CFAP61: variants seen among roughly 807,000 people sequenced by gnomAD.
CFAP61 encodes cilia and flagella associated protein 61, also known as cilia- and flagella-associated protein 61.
In CFAP61, 107 loss-of-function variants were observed where a neutral mutation model predicts 135.6. The ratio of observed to expected loss-of-function variants is 0.79; its 90% CI spans 0.67 to 0.93. The LOEUF is 0.93. Ranked by LOEUF, CFAP61 falls within the 40% of genes least tolerant of loss-of-function variation. CFAP61 has a pLI of 0.00. For synonymous variants in CFAP61, 575 were observed against 578.5 expected (o/e 0.99, Z 0.09); for missense variants, 1,507 against 1,556.2 (o/e 0.97, Z 0.53).
At chr20:20,242,823 A>G (rs1036014470) in intron 18 of CFAP61, among the ~76,000 whole-genome samples, 1 of 152,178 alleles carries the variant, frequency 6.6e-6, no homozygotes, top group African/African-American at 2.4e-5. Flanking sequence ...AACTGTGTGT[A>G]TCTGAATGTA....
rs1001884194 is a variant in CFAP61 at position 20,360,465 on chromosome 20, G to A, written c.*55G>A. 9 of 1,525,512 alleles carry A rather than the reference G, an allele frequency of 5.9e-6. No individual in the cohort carries two copies. Among genetic ancestry groups the A allele is most frequent in the South Asian group, 5.7e-5 (5 of 86,994 alleles). The allele number at this position is 1,525,512 out of a possible 1,614,324, so 94.5% of individuals were successfully genotyped here. On this transcript the variant is annotated 3_prime_UTR_variant, in exon 27 of 27. Coordinates refer to ENST00000245957, the MANE Select transcript of CFAP61 (RefSeq NM_015585.4). Reference sequence around the variant, plus strand: ...TCATTTATTTAGTTCCTGGAAACGCGCTCTGTAGAAATAGAAAAGTTCTCT... The same window carrying A: ...TCATTTATTTAGTTCCTGGAAACGCACTCTGTAGAAATAGAAAAGTTCTCT...
intron 21 of CFAP61, among the ~76,000 whole-genome samples, chr20:20,269,116 GCT>G (rs1491270277): frequency 3.4e-5 from 3 of 88,348 alleles, no homozygotes; most frequent in South Asian, 8.2e-4. Context: ...CTATTCGTGG[GCT>G]ATATATATAT....
chr20:20,134,875 G>A (rs2050799537), intron 8 of CFAP61, among the ~76,000 whole-genome samples: 1 of 152,090 alleles, frequency 6.6e-6, no homozygotes, highest in African/African-American at 2.4e-5. Context: ...TAAATACACT[G>A]CATTCAGTCA....
In CFAP61 at chr20:20,340,696, C is replaced by G. The variant is rs146436455; in HGVS notation, c.3423-1135C>G. Among the ~76,000 whole-genome samples the G allele has an allele frequency of 1.5e-3, 230 of 152,232 alleles. 7 individuals are homozygous for G. In the East Asian group the frequency reaches 0.027, roughly 18 times the overall value. ...ACCAGACGGAGGTGGCCGTAGACCC[C>G]CAAAACCAAGGGGGTGGGAGCTCCG... On this transcript the variant is annotated intron_variant, in intron 25 of 26. Transcript: ENST00000245957.
chr20:20,068,743 A>G (rs1315662473), intron 2 of CFAP61, among the ~76,000 whole-genome samples: 2 of 152,062 alleles, frequency 1.3e-5, no homozygotes, highest in Non-Finnish European at 2.9e-5. Flanking sequence ...CTTTATAGTT[A>G]CCTTCCTTTT....
Position 20,228,097 on chromosome 20 carries a change from C to G in CFAP61, c.1933-152C>G, listed in dbSNP as rs189698126. 1,808 of 542,950 alleles carry G rather than the reference C, an allele frequency of 3.3e-3. 7 individuals carry two copies. Among genetic ancestry groups the G allele is most frequent in the Non-Finnish European group, 3.3e-3 (1,054 of 316,916 alleles). 33.6% of individuals were successfully genotyped at this position (542,950 alleles called of 1,614,324 possible). The stretch of plus-strand genomic sequence containing the variant: ...CATTAATTTCTTAAAAACATCTTCC[C>G]ATGCATTTTATGGTGGCTGTACATG... On this transcript the variant is annotated intron_variant, in intron 17 of 26. Transcript: ENST00000245957.
At chr20:20,151,980 G>A (rs936080790) in intron 9 of CFAP61, among the ~76,000 whole-genome samples, 3 of 151,954 alleles carry the variant, frequency 2.0e-5, no homozygotes, top group Admixed American at 1.3e-4. Flanking sequence ...AACATCAGGC[G>A]ACCTATAAAG....
At chr20:20,250,420 A>G (rs2146982884) in intron 19 of CFAP61, among the ~76,000 whole-genome samples, 1 of 152,232 alleles carries the variant, frequency 6.6e-6, no homozygotes, top group South Asian at 2.1e-4. Flanking sequence ...CAGGCTTGTC[A>G]GCAGCACAGA....
intron 9 of CFAP61, among the ~76,000 whole-genome samples, chr20:20,150,989 A>G (rs1323862709): frequency 2.0e-5 from 3 of 152,152 alleles, no homozygotes; most frequent in African/African-American, 2.4e-5. Flanking sequence ...TAATATGACA[A>G]AACAAGGTTC....
chr20:20,085,643 A>G (rs1467314431), intron 6 of CFAP61: 2 of 595,844 alleles, frequency 3.4e-6, no homozygotes, highest in Non-Finnish European at 5.6e-6. Flanking sequence ...CTACAGAGTA[A>G]TATTTCTGTG....
chr20:20,349,277 G>A (rs577592995), intron 26 of CFAP61, among the ~76,000 whole-genome samples: 4 of 152,322 alleles, frequency 2.6e-5, no homozygotes, highest in African/African-American at 9.6e-5. Context: ...GGCTGTACAT[G>A]AAGTACATGT....
chr20:20,315,518 C>G (rs1328220961), intron 25 of CFAP61, among the ~76,000 whole-genome samples: 5 of 152,086 alleles, frequency 3.3e-5, no homozygotes, highest in African/African-American at 1.2e-4. Context: ...GTTTCTTTTG[C>G]TGTGCAGAAG....
At chr20:20,314,599 A>C (rs920584951) in intron 25 of CFAP61, among the ~76,000 whole-genome samples, 1 of 147,432 alleles carries the variant, frequency 6.8e-6, no homozygotes, top group Non-Finnish European at 1.5e-5. Context: ...GGTTAGTTAC[A>C]TATGTATACA....
intron 21 of CFAP61, among the ~76,000 whole-genome samples, chr20:20,264,937 T>TTAGTGAGCAA (rs1232164706): frequency 2.6e-5 from 4 of 152,180 alleles, no homozygotes; most frequent in Non-Finnish European, 2.9e-5. Flanking sequence ...TGGTCTCTGT[T>TTAGTGAGCAA]GCAACTCTTC....
At chr20:20,261,255 A>C (rs192603430) in intron 20 of CFAP61, among the ~76,000 whole-genome samples, 1 of 152,344 alleles carries the variant, frequency 6.6e-6, no homozygotes, top group Admixed American at 6.5e-5. Flanking sequence ...CTATTGAGGA[A>C]GTGTATAACC....
intron 17 of CFAP61, among the ~76,000 whole-genome samples, chr20:20,223,587 A>C (rs998030948): frequency 3.3e-5 from 5 of 152,190 alleles, no homozygotes; most frequent in African/African-American, 7.2e-5. Flanking sequence ...CCGATTTTGA[A>C]TCTAACATTG....
chr20:20,148,341 G>A (rs1442065903), intron 9 of CFAP61, among the ~76,000 whole-genome samples: 2 of 152,070 alleles, frequency 1.3e-5, no homozygotes, highest in Non-Finnish European at 2.9e-5. Flanking sequence ...ATTGCTTTTG[G>A]CAGTATGGTC....
chr20:20,308,503 C>T (rs566507119), intron 25 of CFAP61, among the ~76,000 whole-genome samples: 9 of 152,162 alleles, frequency 5.9e-5, no homozygotes, highest in Admixed American at 1.3e-4. Context: ...CTTTCTGGGG[C>T]ACTTGGTCAC....
chr20:20,112,129 C>A (rs1168799798), intron 8 of CFAP61, among the ~76,000 whole-genome samples: 1 of 152,092 alleles, frequency 6.6e-6, no homozygotes, highest in Non-Finnish European at 1.5e-5. Context: ...GATTAATGAT[C>A]TGATGAGAGT....
Sources: gnomAD v4.1 joint callset for allele counts (sites outside exome capture counted in the v4.1 genomes callset) on GRCh38, gnomAD v4.1.1 for gene constraint, MANE v1.5 for transcripts, NCBI Gene and HGNC (gene_info 2026-07-23, HGNC 2026-07-21) for gene names.